The following TPD52 variants were observed in gnomAD, a reference collection of about 807,000 sequenced individuals.
The protein encoded by TPD52 is prostate and colon associated protein.
A neutral mutation model predicts 31.3 loss-of-function variants in TPD52; 17 were observed. The observed-to-expected ratio is 0.54, with a 90% CI of 0.37 to 0.82. The LOEUF (loss-of-function observed/expected upper bound fraction) is 0.82, where lower values mean the gene tolerates loss of function less well. Among genes scored for constraint, TPD52 ranks in the 40% least tolerant of loss-of-function variants. The probability of loss-of-function intolerance (pLI) is 0.00; values close to 1 mark genes in which losing one functional copy is unlikely to be tolerated. For missense variants in TPD52, 212 were observed against 240.1 expected (o/e 0.88, Z 0.77); for synonymous variants, 83 against 89.6 (o/e 0.93, Z 0.42).
intron 3 of TPD52, chr8:80,052,973 T>G (rs1315259032): frequency 4.1e-6 from 1 of 244,970 alleles, no homozygotes; most frequent in Non-Finnish European, 7.9e-6. Context: ...CCATTCTTAC[T>G]GGGTTATTCT....
rs371848676 is a variant in TPD52, at chr8:80,094,074, G to T, written c.20-29481C>A. ...TTTTCTCAGAGTTTTATAAAACATCGCTATCAAACAGGTATTTATCAAAAT... is the reference window on the plus strand; with the variant it reads ...TTTTCTCAGAGTTTTATAAAACATCTCTATCAAACAGGTATTTATCAAAAT... On this transcript the variant is annotated intron_variant, in intron 1 of 7. Coordinates refer to ENST00000518937, the MANE Select transcript of TPD52 (RefSeq NM_001025253.3). Among the ~76,000 whole-genome samples the T allele has an allele frequency of 2.6e-5, 4 of 152,052 alleles. No individual in the cohort carries two copies. The South Asian group carries it at 8.3e-4, about 32-fold the overall frequency.
chr8:80,135,251 C>T (rs564675172), intron 1 of TPD52, among the ~76,000 whole-genome samples: 1 of 152,298 alleles, frequency 6.6e-6, no homozygotes, highest in Non-Finnish European at 1.5e-5. Flanking sequence ...CCAAAGCCTC[C>T]TTATTTAGAA....
chr8:80,091,774 G>T (rs933278135), intron 1 of TPD52, among the ~76,000 whole-genome samples: 2 of 152,198 alleles, frequency 1.3e-5, no homozygotes, highest in Non-Finnish European at 2.9e-5. Flanking sequence ...CACCAGGGGA[G>T]CCTGTGGAAC....
intron 1 of TPD52, among the ~76,000 whole-genome samples, chr8:80,108,401 TCA>T (rs1310380394): frequency 1.3e-5 from 2 of 152,262 alleles, no homozygotes; most frequent in Non-Finnish European, 2.9e-5. Flanking sequence ...ATGTTGTATG[TCA>T]CAGAAAATAA....
intron 1 of TPD52, among the ~76,000 whole-genome samples, chr8:80,090,228 C>CA (rs993445545): frequency 3.6e-4 from 54 of 151,460 alleles, no homozygotes; most frequent in African/African-American, 1.2e-3. Flanking sequence ...CCTGGCTCTA[C>CA]AAAAAAAATA....
intron 1 of TPD52, among the ~76,000 whole-genome samples, chr8:80,078,723 T>C (rs1318892425): frequency 6.6e-6 from 1 of 152,206 alleles, no homozygotes; most frequent in African/African-American, 2.4e-5. Flanking sequence ...TGTTTTTCAT[T>C]ACTGTTATTC....
intron 1 of TPD52, among the ~76,000 whole-genome samples, chr8:80,076,293 G>GTA (rs1267667667): frequency 4.6e-5 from 7 of 152,128 alleles, no homozygotes; most frequent in East Asian, 3.8e-4. Flanking sequence ...AGAAAATGTG[G>GTA]TACATATATG....
chr8:80,065,267 ATATATATCTATATC>A (rs1362043792), intron 1 of TPD52, among the ~76,000 whole-genome samples: 2 of 143,238 alleles, frequency 1.4e-5, no homozygotes, highest in South Asian at 4.5e-4. Flanking sequence ...ATATCTATCT[ATATATATCTATATC>A]TATATATCTA....
chr8:80,058,760 C>T (rs1265853787), intron 2 of TPD52, among the ~76,000 whole-genome samples: 3 of 152,136 alleles, frequency 2.0e-5, no homozygotes, highest in Non-Finnish European at 4.4e-5. Context: ...ATTATGCCAC[C>T]ACACTCCAGC....
chr8:80,087,587 C>A (rs1815910341), intron 1 of TPD52, among the ~76,000 whole-genome samples: 2 of 152,224 alleles, frequency 1.3e-5, no homozygotes, highest in Non-Finnish European at 2.9e-5. Context: ...TCACAGCAAT[C>A]ACGGGGGCAG....
At chr8:80,142,302 T>C (rs1427988127) in intron 1 of TPD52, among the ~76,000 whole-genome samples, 1 of 152,190 alleles carries the variant, frequency 6.6e-6, no homozygotes, top group East Asian at 1.9e-4. Flanking sequence ...ATCTACCCCG[T>C]ACCTGTGTAC....
chr8:80,063,707 G>A (rs1248738472), intron 2 of TPD52, among the ~76,000 whole-genome samples: 1 of 151,908 alleles, frequency 6.6e-6, no homozygotes, highest in African/African-American at 2.4e-5. Context: ...TGAGGCAGGA[G>A]AATCACTTGA....
Position 80,152,346 on chromosome 8 carries a change from C to T in TPD52, c.19+19079G>A, listed in dbSNP as rs73693122. 5.3e-3 allele frequency among the ~76,000 whole-genome samples: 810 copies of T among 152,294 alleles called. 7 individuals carry two copies. The highest frequency in any genetic ancestry group is 0.018 in the African/African-American group (760 of 41,556). The stretch of plus-strand genomic sequence containing the variant: ...CATGGGCAGAAGCAAACTCGAATGG[C>T]AGCACCAAAGGAGGTGTGAAATGCT... On this transcript the variant is annotated intron_variant, in intron 1 of 7. Coordinates refer to ENST00000518937, the MANE Select transcript of TPD52 (RefSeq NM_001025253.3).
At chr8:80,168,778 G>A (rs539791361) in intron 1 of TPD52, among the ~76,000 whole-genome samples, 1 of 152,300 alleles carries the variant, frequency 6.6e-6, no homozygotes, top group South Asian at 2.1e-4. Flanking sequence ...AGGGAAAACA[G>A]AACAGGAGAA....
chr8:80,062,200 T>C (rs1427557484), intron 2 of TPD52, among the ~76,000 whole-genome samples: 1 of 152,244 alleles, frequency 6.6e-6, no homozygotes, highest in African/African-American at 2.4e-5. Context: ...AGTGTGATAC[T>C]GTCAAAAGAA....
At chr8:80,143,223 T>C (rs1262233415) in intron 1 of TPD52, among the ~76,000 whole-genome samples, 1 of 152,162 alleles carries the variant, frequency 6.6e-6, no homozygotes, top group Non-Finnish European at 1.5e-5. Flanking sequence ...AGAACAATGC[T>C]TGTCAAATCA....
intron 1 of TPD52, among the ~76,000 whole-genome samples, chr8:80,162,557 A>T (rs1279627574): frequency 2.6e-5 from 4 of 152,122 alleles, no homozygotes; most frequent in Non-Finnish European, 5.9e-5. Flanking sequence ...CAGGAGTTCA[A>T]GGCTACAATG....
intron 1 of TPD52, among the ~76,000 whole-genome samples, chr8:80,141,843 G>A (rs1809850486): frequency 6.6e-6 from 1 of 152,198 alleles, no homozygotes; most frequent in East Asian, 1.9e-4. Flanking sequence ...CCAGGAGGCA[G>A]AGGTTGCAGT....
intron 1 of TPD52, among the ~76,000 whole-genome samples, chr8:80,108,976 G>T (rs1479471283): frequency 1.3e-5 from 2 of 152,106 alleles, no homozygotes; most frequent in Non-Finnish European, 2.9e-5. Flanking sequence ...ATTTGCATAA[G>T]TTCAAAAAGA....
Sources: allele counts gnomAD v4.1 joint callset (sites outside exome capture counted in the v4.1 genomes callset), GRCh38; gene constraint gnomAD v4.1.1; transcripts MANE v1.5; gene names NCBI Gene and HGNC (gene_info 2026-07-23, HGNC 2026-07-21).